The following DGKB variants were observed in gnomAD, a reference collection of about 807,000 sequenced individuals.
DGKB encodes the protein diacylglycerol kinase beta, also known as 90 kDa diacylglycerol kinase.
DGKB carries 67 observed loss-of-function variants against 114.3 expected under a neutral mutation model. The observed-to-expected ratio is 0.59, with a 90% CI of 0.48 to 0.72. The LOEUF is 0.72. DGKB is among the 30% of genes least tolerant of loss of function. The pLI is 0.00. For missense variants in DGKB, 907 were observed against 975.2 expected (o/e 0.93, Z 0.93); for synonymous variants, 398 against 323.1 (o/e 1.23, Z -2.49).
chr7:14,405,231 G>A (rs554476533), intron 21 of DGKB, among the ~76,000 whole-genome samples: 27 of 151,994 alleles, frequency 1.8e-4, no homozygotes, highest in African/African-American at 6.0e-4. Flanking sequence ...ACATAACCTT[G>A]TCAGTATCAT....
At chr7:14,215,490 AT>A (rs1788807071) in intron 23 of DGKB, among the ~76,000 whole-genome samples, 1 of 152,242 alleles carries the variant, frequency 6.6e-6, no homozygotes, top group East Asian at 1.9e-4. Context: ...TGTATTCCAA[AT>A]AATAATAAAG....
chr7:14,244,144 T>C (rs938165497), intron 23 of DGKB, among the ~76,000 whole-genome samples: 4 of 151,744 alleles, frequency 2.6e-5, no homozygotes, highest in Non-Finnish European at 5.9e-5. Flanking sequence ...AGGGAAGACA[T>C]AAAAAGGAGA....
At chr7:14,640,687 T>A (rs772133662) in intron 13 of DGKB, among the ~76,000 whole-genome samples, 4 of 152,188 alleles carry the variant, frequency 2.6e-5, no homozygotes, top group African/African-American at 7.2e-5. Context: ...ACAAAATTGA[T>A]GTGTGGACCA....
chr7:14,447,558 T>A lies in DGKB; in HGVS notation c.1835+30603A>T, dbSNP rs150529925. Reference sequence around the variant, plus strand: ...AGATATTTATTTTTAAGTTAGATTATAAGATAAATTTAATTTAAAGCATGG... The same window carrying A: ...AGATATTTATTTTTAAGTTAGATTAAAAGATAAATTTAATTTAAAGCATGG... On this transcript the variant is annotated intron_variant, in intron 21 of 25. Coordinates refer to ENST00000402815, the MANE Select transcript of DGKB (RefSeq NM_001350709.2). Among the ~76,000 whole-genome samples, 7 of 152,268 alleles carry A rather than the reference T, an allele frequency of 4.6e-5. No homozygotes were observed. In the East Asian group the frequency reaches 1.4e-3, roughly 29 times the overall value.
intron 23 of DGKB, among the ~76,000 whole-genome samples, chr7:14,235,102 C>G (rs1034718472): frequency 6.6e-6 from 1 of 152,048 alleles, no homozygotes; most frequent in Non-Finnish European, 1.5e-5. Flanking sequence ...GGTATTAGAC[C>G]TGAGTACTAA....
At chr7:14,918,431 A>G (rs1003231649) in intron 1 of DGKB, among the ~76,000 whole-genome samples, 1 of 152,218 alleles carries the variant, frequency 6.6e-6, no homozygotes, top group Non-Finnish European at 1.5e-5. Flanking sequence ...AAGGTAATAC[A>G]TAAAATTAAA....
chr7:14,753,655 A>G (rs1396889315), intron 4 of DGKB, among the ~76,000 whole-genome samples: 2 of 152,212 alleles, frequency 1.3e-5, no homozygotes, highest in Non-Finnish European at 2.9e-5. Context: ...TTAGAAAAAT[A>G]AATTCCAGAG....
rs142191762 is a variant in DGKB at position 14,964,719 on chromosome 7, T to C, written c.-188+9977A>G. On this transcript the variant is annotated intron_variant, in intron 1 of 4. Transcript: ENST00000437998. ...TTTTTAAGAGATCTTGCTGGCAAGA[T>C]TGAGGAGGAAATATTGAGGAGGAAT... Among the ~76,000 whole-genome samples the C allele has an allele frequency of 7.8e-4, 119 of 152,154 alleles. No individual in the cohort carries two copies. In the East Asian group the frequency reaches 0.018, roughly 23 times the overall value.
chr7:14,864,394 A>G (rs1233138509), intron 1 of DGKB, among the ~76,000 whole-genome samples: 1 of 152,118 alleles, frequency 6.6e-6, no homozygotes, highest in Non-Finnish European at 1.5e-5. Context: ...GAAATGCACC[A>G]TCCTTCAATC....
chr7:14,547,204 C>T (rs73682444), intron 20 of DGKB, among the ~76,000 whole-genome samples: 16 of 152,186 alleles, frequency 1.1e-4, no homozygotes, highest in African/African-American at 2.4e-4. Flanking sequence ...ATATTGATTA[C>T]GTACACCTCC....
chr7:14,198,748 A>C (rs1019809651), intron 23 of DGKB, among the ~76,000 whole-genome samples: 1 of 151,994 alleles, frequency 6.6e-6, no homozygotes, highest in Non-Finnish European at 1.5e-5. Context: ...TGTATCCTAG[A>C]TATTGTAAGA....
chr7:14,254,079 A>G (rs1795618814), intron 23 of DGKB, among the ~76,000 whole-genome samples: 1 of 152,212 alleles, frequency 6.6e-6, no homozygotes, highest in Non-Finnish European at 1.5e-5. Context: ...AAGGAGTGAG[A>G]GGTACAAAAG....
chr7:14,568,495 T>TA (rs944444709), intron 20 of DGKB, among the ~76,000 whole-genome samples: 6 of 151,942 alleles, frequency 3.9e-5, no homozygotes, highest in South Asian at 2.1e-4. Flanking sequence ...ATGGGCCCAC[T>TA]AAAAAAAATC....
chr7:14,613,375 AAAAACT>A lies in DGKB; in HGVS notation c.1317_1322del (p.Leu439_Val440del). On this transcript the variant is annotated inframe_deletion, in exon 16 of 26. Coordinates refer to ENST00000402815, the MANE Select transcript of DGKB (RefSeq NM_001350709.2). ...GTTTTCCACCACTTTTGGGGTTCAC[AAAAACT>A]AAAAGTGGGTGAGTACCAGGCACAG... is the stretch of plus-strand genomic sequence containing the variant. 6.4e-7 allele frequency: 1 copy of A among 1,571,520 alleles called. No homozygotes were observed. The highest frequency in any genetic ancestry group is 1.2e-5 in the South Asian group (1 of 85,244).
chr7:14,656,579 A>T lies in DGKB; in HGVS notation c.1134+16350T>A, dbSNP rs544491419. The stretch of plus-strand genomic sequence containing the variant: ...TATTAAACTAAAAGATTTTCATCAG[A>T]TTTCTTCTTAGCTGAACTTCCAATT... On this transcript the variant is annotated intron_variant, in intron 13 of 25. Coordinates refer to ENST00000402815, the MANE Select transcript of DGKB (RefSeq NM_001350709.2). Among the ~76,000 whole-genome samples, 20 of 151,594 alleles carry T rather than the reference A, an allele frequency of 1.3e-4. 1 individual carries two copies. In the East Asian group the frequency reaches 3.7e-3, roughly 28 times the overall value.
At chr7:14,917,673 T>C (rs1784307035) in intron 1 of DGKB, among the ~76,000 whole-genome samples, 1 of 152,104 alleles carries the variant, frequency 6.6e-6, no homozygotes, top group Admixed American at 6.6e-5. Flanking sequence ...GACAGTTTCA[T>C]TGCTGAATTG....
chr7:14,604,229 G>A (rs1006455526), intron 17 of DGKB, among the ~76,000 whole-genome samples: 2 of 151,878 alleles, frequency 1.3e-5, no homozygotes, highest in South Asian at 2.1e-4. Context: ...GAGATAGAAT[G>A]GAAACACATA....
chr7:14,759,805 C>A (rs570889104), intron 2 of DGKB, among the ~76,000 whole-genome samples: 1 of 152,202 alleles, frequency 6.6e-6, no homozygotes, highest in Admixed American at 6.5e-5. Flanking sequence ...TACAGTAACT[C>A]TATGTTTAGT....
intron 1 of DGKB, among the ~76,000 whole-genome samples, chr7:14,933,854 T>C (rs181062231): frequency 6.6e-6 from 1 of 152,136 alleles, no homozygotes; most frequent in Non-Finnish European, 1.5e-5. Flanking sequence ...CTCTGTTTGG[T>C]TGATATCTGA....
Sources: allele counts gnomAD v4.1 joint callset (sites outside exome capture counted in the v4.1 genomes callset), GRCh38; gene constraint gnomAD v4.1.1; transcripts MANE v1.5; gene names NCBI Gene and HGNC (gene_info 2026-07-23, HGNC 2026-07-21).